Variants in GRIA4 observed in about 807,000 individuals in gnomAD.
The protein encoded by GRIA4 is glutamate ionotropic receptor AMPA type subunit 4.
GRIA4 carries 34 observed loss-of-function variants against 104.0 expected under a neutral mutation model. The observed-to-expected ratio is 0.33, with a 90% CI of 0.25 to 0.44. The LOEUF (loss-of-function observed/expected upper bound fraction) is 0.44. GRIA4 is among the 20% of genes least tolerant of loss of function. The pLI is 1.00. For synonymous variants in GRIA4, 386 were observed against 381.9 expected (o/e 1.01, Z -0.13); for missense variants, 750 against 1,096.5 (o/e 0.68, Z 4.46).
In GRIA4 at chr11:105,856,871, T is replaced by C. The variant is rs531255636; in HGVS notation, c.488-5153T>C. 5.3e-5 allele frequency among the ~76,000 whole-genome samples: 8 copies of C among 152,260 alleles called. No homozygotes were observed. The East Asian group carries it at 1.5e-3, about 29-fold the overall frequency. On this transcript the variant is annotated intron_variant, in intron 4 of 16. Transcript: ENST00000282499. ...TTTAACAATGATTATTATCAATCCA[T>C]CTTTGAAGATGAATTCTCTACTTTT...
chr11:105,731,053 T>C (rs1462712298), intron 3 of GRIA4, among the ~76,000 whole-genome samples: 3 of 152,222 alleles, frequency 2.0e-5, no homozygotes, highest in Non-Finnish European at 4.4e-5. Flanking sequence ...AAAGAGCTTC[T>C]GCACAGCAAA....
intron 4 of GRIA4, chr11:105,797,834 G>A: frequency 2.2e-6 from 1 of 455,352 alleles, no homozygotes; most frequent in Non-Finnish European, 4.4e-6. Context: ...ATAACTGCTT[G>A]CCTTTTAGGG....
intron 3 of GRIA4, among the ~76,000 whole-genome samples, chr11:105,731,230 G>T (rs1327030106): frequency 6.6e-6 from 1 of 152,012 alleles, no homozygotes; most frequent in Non-Finnish European, 1.5e-5. Context: ...ATGAACATAC[G>T]CTTTTCAAAA....
At chr11:105,659,089 G>A (rs1951930133) in intron 3 of GRIA4, among the ~76,000 whole-genome samples, 1 of 151,946 alleles carries the variant, frequency 6.6e-6, no homozygotes, top group African/African-American at 2.4e-5. Context: ...CAAAGTCCAA[G>A]GAAACTCATG....
At chr11:105,783,117 T>C (rs1014677551) in intron 4 of GRIA4, among the ~76,000 whole-genome samples, 1 of 152,212 alleles carries the variant, frequency 6.6e-6, no homozygotes, top group Non-Finnish European at 1.5e-5. Flanking sequence ...ACTTGAATAA[T>C]TCTGTGCTAC....
At chr11:105,947,803 A>T (rs1948353802) in intron 14 of GRIA4, among the ~76,000 whole-genome samples, 1 of 152,208 alleles carries the variant, frequency 6.6e-6, no homozygotes, top group Non-Finnish European at 1.5e-5. Flanking sequence ...AAGAATTTAA[A>T]TTTTTTGTCA....
intron 14 of GRIA4, among the ~76,000 whole-genome samples, chr11:105,960,610 G>A (rs1298481624): frequency 3.3e-5 from 5 of 152,222 alleles, no homozygotes; most frequent in Non-Finnish European, 5.9e-5. Flanking sequence ...CCTCCCCCAA[G>A]GAGCTGAAAC....
At position 105,911,966 on chromosome 11, in the gene GRIA4, G is replaced by A. The variant is rs1947262404; in HGVS notation, c.1269+1421G>A. On this transcript the variant is annotated intron_variant, in intron 10 of 16. Coordinates refer to ENST00000282499, the MANE Select transcript of GRIA4 (RefSeq NM_000829.4). ...CATTCCTAACTAAGGCTCAAGTCTT[G>A]TTCTCCAGTGTAGTAAATTTAAGCT... 19 of 1,503,986 alleles carry A rather than the reference G, an allele frequency of 1.3e-5. No homozygotes were observed. In the East Asian group the frequency reaches 4.2e-4, roughly 33 times the overall value. 93.2% of individuals were successfully genotyped at this position (1,503,986 alleles called of 1,614,324 possible). A position where few individuals can be genotyped will look rare whatever the true frequency, so the allele number is the denominator to read the frequency against.
chr11:105,696,770 T>C (rs1660414822), intron 3 of GRIA4, among the ~76,000 whole-genome samples: 1 of 151,976 alleles, frequency 6.6e-6, no homozygotes, highest in Non-Finnish European at 1.5e-5. Context: ...TTTCTGATTT[T>C]TTTTTTTTAT....
At chr11:105,701,295 A>G (rs371937421) in intron 3 of GRIA4, among the ~76,000 whole-genome samples, 48 of 152,312 alleles carry the variant, frequency 3.2e-4, no homozygotes, top group African/African-American at 1.1e-3. Flanking sequence ...CATGTAGTCA[A>G]TGTTCAGCAT....
At chr11:105,934,778 G>A (rs1319994829) in intron 14 of GRIA4, among the ~76,000 whole-genome samples, 1 of 152,138 alleles carries the variant, frequency 6.6e-6, no homozygotes, top group Non-Finnish European at 1.5e-5. Context: ...TTTATGTCCA[G>A]GAGGCAGAAT....
chr11:105,837,880 C>T (rs1278994680), intron 4 of GRIA4, among the ~76,000 whole-genome samples: 1 of 152,020 alleles, frequency 6.6e-6, no homozygotes, highest in Non-Finnish European at 1.5e-5. Context: ...GGAAACATGA[C>T]AAAATAAGGA....
intron 16 of GRIA4, among the ~76,000 whole-genome samples, chr11:105,977,904 G>T (rs372980915): frequency 1.3e-5 from 2 of 151,998 alleles, no homozygotes; most frequent in African/African-American, 4.8e-5. Context: ...TATGGGTGAG[G>T]TTCTTGATTA....
chr11:105,973,922 C>T (rs1243079289), intron 15 of GRIA4, among the ~76,000 whole-genome samples: 1 of 152,078 alleles, frequency 6.6e-6, no homozygotes, highest in African/African-American at 2.4e-5. Context: ...TAAAAGACGT[C>T]CCCTTTCTCC....
intron 15 of GRIA4, among the ~76,000 whole-genome samples, chr11:105,972,833 T>C (rs1858769546): frequency 6.6e-6 from 1 of 152,160 alleles, no homozygotes; most frequent in South Asian, 2.1e-4. Flanking sequence ...AAGCCAGAGC[T>C]GAAGTTTCTT....
At chr11:105,937,188 G>A (rs751688376) in intron 14 of GRIA4, among the ~76,000 whole-genome samples, 1 of 152,038 alleles carries the variant, frequency 6.6e-6, no homozygotes, top group South Asian at 2.1e-4. Flanking sequence ...ATACAGTTTC[G>A]ATGGCATTGC....
At chr11:105,934,882 G>A (rs1399221282) in intron 14 of GRIA4, among the ~76,000 whole-genome samples, 2 of 152,102 alleles carry the variant, frequency 1.3e-5, no homozygotes, top group Admixed American at 6.6e-5. Flanking sequence ...TGGTCTCAGT[G>A]CTGCTTAGGA....
At chr11:105,700,998 G>C (rs181789128) in intron 3 of GRIA4, among the ~76,000 whole-genome samples, 29 of 152,192 alleles carry the variant, frequency 1.9e-4, no homozygotes, top group African/African-American at 6.5e-4. Context: ...CTATTCCTTT[G>C]AATGTCAATC....
At chr11:105,883,191 T>A (rs1946126045) in intron 5 of GRIA4, among the ~76,000 whole-genome samples, 1 of 152,148 alleles carries the variant, frequency 6.6e-6, no homozygotes, top group Admixed American at 6.5e-5. Flanking sequence ...ATTATCATCG[T>A]TGAGAGCGTA....
Sources: allele counts gnomAD v4.1 joint callset (sites outside exome capture counted in the v4.1 genomes callset), GRCh38; gene constraint gnomAD v4.1.1; transcripts MANE v1.5; gene names NCBI Gene and HGNC (gene_info 2026-07-23, HGNC 2026-07-21).